Variants in SATB1 observed in about 807,000 individuals in gnomAD.
SATB1 encodes the protein DNA-binding protein SATB1.
In SATB1, 11 loss-of-function variants were observed where a neutral mutation model predicts 86.9. The ratio of observed to expected loss-of-function variants is 0.13; its 90% CI spans 0.08 to 0.21. SATB1 has a LOEUF of 0.21. Ranked by LOEUF, SATB1 falls within the 10% of genes least tolerant of loss-of-function variation. The pLI is 1.00. For synonymous variants in SATB1, 357 were observed against 357.2 expected (o/e 1.00, Z 0.01); for missense variants, 551 against 937.6 (o/e 0.59, Z 5.39).
In SATB1 at chr3:18,351,992, C is replaced by A; in HGVS notation, c.1779G>T (p.Gln593His). 6.2e-7 allele frequency: 1 copy of A among 1,614,148 alleles called. No homozygotes were observed. The highest frequency in any genetic ancestry group is 1.1e-5 in the South Asian group (1 of 91,066). Reference sequence around the variant, plus strand: ...ACTGAATTGGCCAAAGTAAACGAACCTGAATCTGCTCTGCTGGAACATGGA... The same window carrying A: ...ACTGAATTGGCCAAAGTAAACGAACATGAATCTGCTCTGCTGGAACATGGA... The part of the protein sequence containing the change: ...HIIHVPAEQI[Q>H]QQQQQQQQQQ... Residue 593 changes from glutamine to histidine, a missense_variant and splice_region_variant, in exon 10 of 11, where the codon CAG becomes CAT. Transcript: ENST00000338745.
At chr3:18,378,441 CA>C in intron 8 of SATB1, 116 bp from the exon 9 acceptor site, 1 of 962,018 alleles carries the variant, frequency 1.0e-6, no homozygotes, top group Non-Finnish European at 1.6e-6. Context: ...AGGTGATCAA[CA>C]GTGCAGTCAT....
chr3:18,372,351 G>A (rs911424501), intron 9 of SATB1, among the ~76,000 whole-genome samples: 1 of 152,158 alleles, frequency 6.6e-6, no homozygotes, highest in South Asian at 2.1e-4. Context: ...TAACAGTTAA[G>A]CTTATTAAGT....
intron 5 of SATB1, among the ~76,000 whole-genome samples, chr3:18,412,210 TC>T (rs925092716): frequency 2.0e-5 from 3 of 152,092 alleles, no homozygotes; most frequent in Admixed American, 1.3e-4. Context: ...GGACACTGGC[TC>T]CTTCAATTAT....
rs1395214813 is a variant in SATB1, at chr3:18,346,692, TTGTTA to T, written c.*2473_*2477del. On this transcript the variant is annotated 3_prime_UTR_variant, in exon 11 of 11. Transcript: ENST00000338745. ...AATCTAAGTGGGAATTTTGTTAGCATTGTTATGTTGATTACCAAACAAACATTCAA... is the reference window on the plus strand; with the variant it reads ...AATCTAAGTGGGAATTTTGTTAGCATTGTTGATTACCAAACAAACATTCAA... The T allele has an allele frequency of 1.3e-5, 2 of 152,104 alleles. No individual in the cohort carries two copies. The highest frequency in any genetic ancestry group is 2.4e-5 in the African/African-American group (1 of 41,424). 9.4% of individuals were successfully genotyped at this position (152,104 alleles called of 1,614,324 possible).
At chr3:18,399,908 G>A (rs181072067) in intron 5 of SATB1, among the ~76,000 whole-genome samples, 3 of 152,064 alleles carry the variant, frequency 2.0e-5, no homozygotes, top group Admixed American at 6.6e-5. Flanking sequence ...TTCATGAGGT[G>A]TATGTGTGTG....
intron 9 of SATB1, among the ~76,000 whole-genome samples, chr3:18,375,077 G>T (rs1359906307): frequency 6.6e-6 from 1 of 152,082 alleles, no homozygotes; most frequent in African/African-American, 2.4e-5. Flanking sequence ...CTCTGTGTTG[G>T]TAAGAACCTT....
At chr3:18,366,364 C>T (rs918536729) in intron 9 of SATB1, among the ~76,000 whole-genome samples, 3 of 151,704 alleles carry the variant, frequency 2.0e-5, no homozygotes, top group South Asian at 4.1e-4. Context: ...TCTCATCAAT[C>T]GAGTATTCTC....
At chr3:18,402,132 T>C (rs1413379467) in intron 5 of SATB1, among the ~76,000 whole-genome samples, 1 of 152,138 alleles carries the variant, frequency 6.6e-6, no homozygotes, top group Admixed American at 6.6e-5. Flanking sequence ...TTTAAACCCC[T>C]GCTACAATAT....
At chr3:18,392,779 T>C (rs997157494) in intron 7 of SATB1, among the ~76,000 whole-genome samples, 1 of 151,964 alleles carries the variant, frequency 6.6e-6, no homozygotes, top group African/African-American at 2.4e-5. Context: ...ACAGGAATAT[T>C]TAGAGGGTTG....
chr3:18,433,901 T>C (rs1575185856), intron 2 of SATB1, among the ~76,000 whole-genome samples: 1 of 152,110 alleles, frequency 6.6e-6, no homozygotes, highest in Non-Finnish European at 1.5e-5. Flanking sequence ...ACAGTAGAAC[T>C]TTAAAAAAGA....
intron 1 of SATB1, among the ~76,000 whole-genome samples, chr3:18,422,520 AT>A (rs1270847592): frequency 1.3e-5 from 2 of 152,212 alleles, no homozygotes; most frequent in Non-Finnish European, 2.9e-5. Context: ...GTTTTTGGTT[AT>A]GAGGTTCATT....
chr3:18,427,733 C>T (rs1698755339), upstream of SATB1, among the ~76,000 whole-genome samples: 1 of 152,068 alleles, frequency 6.6e-6, no homozygotes, highest in Non-Finnish European at 1.5e-5. Flanking sequence ...AAACACAAAA[C>T]ATGAAAGTAT....
In SATB1 at chr3:18,417,075, G is replaced by T. The variant is rs1411443151; in HGVS notation, c.215C>A (p.Thr72Asn). Residue 72 changes from threonine (T) to asparagine (N), a missense_variant, in exon 3 of 11, where the codon ACC becomes AAC. Thr to Asn is a moderately conservative substitution (Grantham distance 65). Around this residue, in one of 8 missense-constraint regions of SATB1, gnomAD observed 153 missense variants for 258.1 expected, o/e 0.59. Coordinates refer to ENST00000338745, the MANE Select transcript of SATB1 (RefSeq NM_002971.6). ...CACCACACAGAAAACTGGCAGCATGGTTCCTATCAAAAAGATGAAGAAGAA... is the reference window on the plus strand; with the variant it reads ...CACCACACAGAAAACTGGCAGCATGTTTCCTATCAAAAAGATGAAGAAGAA... Reference protein sequence around the residue: ...HLMKTNLRKGTMLPVFCVVEH... With the variant: ...HLMKTNLRKGNMLPVFCVVEH... 21 of 1,611,198 alleles carry T rather than the reference G, an allele frequency of 1.3e-5. No individual in the cohort carries two copies. The highest frequency in any genetic ancestry group is 1.7e-5 in the Admixed American group (1 of 59,574).
intron 10 of SATB1, chr3:18,351,431 T>G (rs1176171948): frequency 6.6e-7 from 1 of 1,505,642 alleles, no homozygotes; most frequent in Non-Finnish European, 8.9e-7. Flanking sequence ...CAAACAGAGA[T>G]GACTCACCCC....
intron 9 of SATB1, among the ~76,000 whole-genome samples, chr3:18,359,978 T>G (rs1694828887): frequency 6.6e-6 from 1 of 152,084 alleles, no homozygotes. Flanking sequence ...AACAACATTC[T>G]TTTTTAATTA....
At chr3:18,409,059 C>A (rs879547599) in intron 5 of SATB1, 4 of 151,840 alleles carry the variant, frequency 2.6e-5, no homozygotes, top group Non-Finnish European at 5.9e-5. Context: ...TCAAAGGAAA[C>A]CTATTCAGAT....
At chr3:18,416,791 C>A in intron 3 of SATB1, 111 bp downstream of exon 3, 3 of 1,079,600 alleles carry the variant, frequency 2.8e-6, no homozygotes, top group South Asian at 1.7e-5. Context: ...TATAAGGAAC[C>A]AATGTAATAC....
intron 2 of SATB1, among the ~76,000 whole-genome samples, chr3:18,434,736 T>C (rs892543123): frequency 5.9e-5 from 9 of 151,878 alleles, no homozygotes; most frequent in Non-Finnish European, 1.2e-4. Context: ...TAAGATCACA[T>C]AAAAAATCTC....
At chr3:18,357,491 G>A (rs1287915592) in intron 9 of SATB1, among the ~76,000 whole-genome samples, 3 of 150,232 alleles carry the variant, frequency 2.0e-5, no homozygotes, top group Non-Finnish European at 3.0e-5. Flanking sequence ...TGTTACTTAT[G>A]CTAATGAAGA....
Sources: allele counts gnomAD v4.1 joint callset (sites outside exome capture counted in the v4.1 genomes callset), GRCh38; gene constraint gnomAD v4.1.1; regional missense constraint gnomAD v4.1.1; transcripts MANE v1.5; gene names NCBI Gene and HGNC (gene_info 2026-07-23, HGNC 2026-07-21).